DNAI3: variants seen among roughly 807,000 people sequenced by gnomAD.
The protein encoded by DNAI3 is WD repeat domain 63.
A neutral mutation model predicts 115.5 loss-of-function variants in DNAI3; 83 were observed. The ratio of observed to expected loss-of-function variants is 0.72; its 90% CI spans 0.60 to 0.86. DNAI3 has a LOEUF of 0.86. Among genes scored for constraint, DNAI3 ranks in the 40% least tolerant of loss-of-function variants. The pLI is 0.00. For missense variants in DNAI3, 1,004 were observed against 1,075.8 expected (o/e 0.93, Z 0.93); for synonymous variants, 320 against 347.0 (o/e 0.92, Z 0.86).
At chr1:85,094,315 T>C in intron 9 of DNAI3, 116 bp from the exon 10 acceptor site, 2 of 1,383,540 alleles carry the variant, frequency 1.4e-6, no homozygotes, top group Non-Finnish European at 2.0e-6. Flanking sequence ...AGAAAACTCT[T>C]GCTCTCCTGT....
At chr1:85,080,815 C>T (rs1469968999) in intron 3 of DNAI3, among the ~76,000 whole-genome samples, 1 of 152,082 alleles carries the variant, frequency 6.6e-6, no homozygotes, top group Non-Finnish European at 1.5e-5. Flanking sequence ...AGAATGCTTA[C>T]CAATACGAGA....
chr1:85,073,166 A>C, intron 3 of DNAI3, 74 bp downstream of exon 3: 1 of 1,116,874 alleles, frequency 9.0e-7, no homozygotes, highest in Non-Finnish European at 1.3e-6. Flanking sequence ...GCAAGCAGGA[A>C]TACTACAAAC....
intron 1 of DNAI3, among the ~76,000 whole-genome samples, chr1:85,068,008 A>G (rs1654148826): frequency 6.6e-6 from 1 of 152,214 alleles, no homozygotes; most frequent in Non-Finnish European, 1.5e-5. Context: ...AGAGAAAACT[A>G]ATACAGCATG....
Position 85,117,802 on chromosome 1 carries a change from G to C in DNAI3, c.1860G>C (p.Met620Ile), listed in dbSNP as rs1328877863. The C allele has an allele frequency of 1.9e-6, 3 of 1,613,790 alleles. No homozygotes were observed. The East Asian group carries it at 6.7e-5, about 36-fold the overall frequency. ...CGTATCATAATCTGGAAAGTGGGAT[G>C]GCCAATCTTCTCAAGCCAATAGATG... ...MNPYHNLESG[M>I]ANLLKPIDDF... The change falls in exon 17 of 23, where the codon ATG becomes ATC. Residue 620 changes from methionine (M) to isoleucine (I), a missense_variant. This residue lies in a region of DNAI3 where 429 missense variants were observed against 454.3 expected (regional missense o/e 0.94). Coordinates refer to ENST00000294664, the MANE Select transcript of DNAI3 (RefSeq NM_145172.5).
chr1:85,096,944 A>T (rs769171251), intron 11 of DNAI3, among the ~76,000 whole-genome samples: 99 of 152,140 alleles, frequency 6.5e-4, no homozygotes, highest in Non-Finnish European at 1.3e-3. Context: ...ATTTTAGAAT[A>T]TTTCAGAAAA....
intron 9 of DNAI3, 78 bp from the exon 10 acceptor site, chr1:85,094,353 T>G (rs1571174756): frequency 1.8e-4 from 287 of 1,574,058 alleles, no homozygotes; most frequent in Middle Eastern, 3.4e-4. Context: ...AGAGTGGCTG[T>G]GTAGAAAAGC....
chr1:85,082,566 C>A (rs1279715423), intron 5 of DNAI3, among the ~76,000 whole-genome samples, 162 bp downstream of exon 5: 1 of 152,052 alleles, frequency 6.6e-6, no homozygotes, highest in African/African-American at 2.4e-5. Flanking sequence ...CACCTCAGCC[C>A]CCCAAGTAGC....
At chr1:85,088,317 A>G (rs1414371826) in intron 7 of DNAI3, among the ~76,000 whole-genome samples, 2 of 152,144 alleles carry the variant, frequency 1.3e-5, no homozygotes, top group East Asian at 3.9e-4. Flanking sequence ...CAGATGAGAA[A>G]TAAGGGCAGG....
chr1:85,082,162 G>T, intron 4 of DNAI3, 138 bp from the exon 5 acceptor site: 3 of 652,446 alleles, frequency 4.6e-6, no homozygotes, highest in South Asian at 2.1e-5. Flanking sequence ...TTTGCAATTT[G>T]GTGTTATCAG....
chr1:85,071,976 G>A lies in DNAI3; in HGVS notation c.35G>A (p.Gly12Asp), dbSNP rs779942879. The stretch of plus-strand genomic sequence containing the variant: ...AAACAAAAGAAAAAGACATCACGTG[G>A]CAAAAAAAGACTAAAACCAGTATTA... ...APKQKKKTSR[G>D]KKRLKPVLAA... The change falls in exon 2 of 23, where the codon GGC becomes GAC. Residue 12 changes from glycine to aspartate, a missense_variant. Gly to Asp is a moderately conservative substitution (Grantham distance 94). Coordinates refer to ENST00000294664, the MANE Select transcript of DNAI3 (RefSeq NM_145172.5). 17 of 1,610,526 alleles carry A rather than the reference G, an allele frequency of 1.1e-5. No individual in the cohort carries two copies. Among genetic ancestry groups the A allele is most frequent in the Non-Finnish European group, 1.4e-5 (16 of 1,179,126 alleles).
At chr1:85,105,078 T>C (rs549901366) in intron 14 of DNAI3, among the ~76,000 whole-genome samples, 28 of 152,312 alleles carry the variant, frequency 1.8e-4, no homozygotes, top group African/African-American at 6.3e-4. Flanking sequence ...TAAGAATTCG[T>C]AATGAAACAG....
At chr1:85,129,163 C>T (rs1422547057) in intron 21 of DNAI3, among the ~76,000 whole-genome samples, 1 of 152,144 alleles carries the variant, frequency 6.6e-6, no homozygotes, top group African/African-American at 2.4e-5. Context: ...CTCCATCACC[C>T]ACCCCCTCCG....
At position 85,073,035 on chromosome 1, in the gene DNAI3, T is replaced by G. The variant is rs369134453; in HGVS notation, c.65-19T>G. The G allele has an allele frequency of 1.8e-5, 27 of 1,479,838 alleles. No homozygotes were observed. In the African/African-American group the frequency reaches 3.9e-4, roughly 21 times the overall value. 91.7% of individuals were successfully genotyped at this position (1,479,838 alleles called of 1,614,324 possible). A position where few individuals can be genotyped will look rare whatever the true frequency, so the allele number is the denominator to read the frequency against. ...TTGATTCAAAAATGTAAATTTGACT[T>G]CCTTTTATTATATTCTAGCTAGTGA... On this transcript the variant is annotated intron_variant, in intron 2 of 22. Transcript: ENST00000294664.
At chr1:85,067,594 T>C (rs1654137269) in intron 1 of DNAI3, among the ~76,000 whole-genome samples, 1 of 152,174 alleles carries the variant, frequency 6.6e-6, no homozygotes, top group Admixed American at 6.5e-5. Flanking sequence ...TGTTACCATA[T>C]ATGGCAAAGA....
intron 8 of DNAI3, among the ~76,000 whole-genome samples, chr1:85,090,762 G>A (rs1026485794): frequency 3.3e-5 from 5 of 152,110 alleles, no homozygotes; most frequent in African/African-American, 1.2e-4. Context: ...TAAGCTGTTA[G>A]TAGGACCCTG....
At chr1:85,124,064 C>G in intron 18 of DNAI3, 57 bp from the exon 19 acceptor site, 1 of 1,605,782 alleles carries the variant, frequency 6.2e-7, no homozygotes, top group Non-Finnish European at 8.5e-7. Flanking sequence ...CCATTCCTCA[C>G]TGCAGGAATG....
intron 7 of DNAI3, among the ~76,000 whole-genome samples, chr1:85,086,353 A>G (rs923026761): frequency 6.6e-6 from 1 of 152,108 alleles, no homozygotes; most frequent in African/African-American, 2.4e-5. Context: ...TCTACTACCT[A>G]AGTCATCATT....
chr1:85,098,960 C>A (rs1416718859), intron 13 of DNAI3, among the ~76,000 whole-genome samples: 2 of 152,080 alleles, frequency 1.3e-5, no homozygotes, highest in Admixed American at 6.5e-5. Flanking sequence ...ATATTTTACA[C>A]CCTTAGCATG....
chr1:85,063,432 G>A (rs1013195966), intron 1 of DNAI3, among the ~76,000 whole-genome samples: 1 of 152,114 alleles, frequency 6.6e-6, no homozygotes, highest in African/African-American at 2.4e-5. Flanking sequence ...GAATAGAACT[G>A]GAAAGGTTGA....
Sources: gnomAD v4.1 joint callset for allele counts (sites outside exome capture counted in the v4.1 genomes callset) on GRCh38, gnomAD v4.1.1 for gene constraint, gnomAD v4.1.1 regional missense constraint, MANE v1.5 for transcripts, NCBI Gene and HGNC (gene_info 2026-07-23, HGNC 2026-07-21) for gene names.